Variants in CDKN2A observed in about 807,000 individuals in gnomAD.
The protein encoded by CDKN2A is cyclin dependent kinase inhibitor 2A, also known as cyclin-dependent kinase inhibitor 2A.
A neutral mutation model predicts 11.1 loss-of-function variants in CDKN2A; 3 were observed. The observed-to-expected ratio is 0.27, with a 90% CI of 0.12 to 0.70. The LOEUF (loss-of-function observed/expected upper bound fraction) is 0.70, where lower values mean the gene tolerates loss of function less well. CDKN2A is among the 30% of genes least tolerant of loss of function. CDKN2A has a pLI of 0.77. For missense variants in CDKN2A, 265 were observed against 233.6 expected (o/e 1.13, Z -0.88); for synonymous variants, 122 against 108.1 (o/e 1.13, Z -0.80).
chr9:21,987,473 C>T (rs3731206), intron 2 of CDKN2A, among the ~76,000 whole-genome samples: 9,028 of 143,044 alleles, frequency 0.063, 714 homozygotes, highest in African/African-American at 0.19. Context: ...TCATCCTGCA[C>T]GAACAGAAAG....
chr9:21,994,557 T>G, intron 1 of CDKN2A: 3 of 1,069,294 alleles, frequency 2.8e-6, no homozygotes, highest in Non-Finnish European at 2.5e-6. Context: ...CTCCAAGATC[T>G]CGGAACGGCT....
rs1001081670 is a variant in CDKN2A, at chr9:21,988,290, G to C, written c.-4+5592C>G. ...ATTAAAAAATCCTTTGTGATAACAT[G>C]TTTATATTTTCATGAACAAAGCCAA... On this transcript the variant is annotated intron_variant, in intron 2 of 3. Transcript: ENST00000494262. The surrounding 1 kb of genome is among the most constrained non-coding windows in gnomAD (Gnocchi z 4.1). Among the ~76,000 whole-genome samples the C allele has an allele frequency of 1.3e-5, 2 of 152,172 alleles. No homozygotes were observed. The highest frequency in any genetic ancestry group is 1.3e-4 in the Admixed American group (2 of 15,274).
At chr9:21,983,615 C>T (rs542808579) in intron 2 of CDKN2A, among the ~76,000 whole-genome samples, 1 of 152,056 alleles carries the variant, frequency 6.6e-6, no homozygotes, top group South Asian at 2.1e-4. Flanking sequence ...TTTAAAAAGC[C>T]ACCATTTTGA....
Position 21,968,632 on chromosome 9 carries a change from C to A in CDKN2A, c.458-390G>T. The A allele has an allele frequency of 6.6e-7, 1 of 1,524,078 alleles. No homozygotes were observed. The allele number at this position is 1,524,078 out of a possible 1,614,324, so 94.4% of individuals were successfully genotyped here. On this transcript the variant is annotated intron_variant, in intron 2 of 2. Transcript: ENST00000304494. The surrounding 1 kb of genome is among the most constrained non-coding windows in gnomAD (Gnocchi z 4.7). ...TTTCCCTTCCCGCATCCCCAGGCAT[C>A]TTTTGCACCTGGTGCGGAGTGAGCC...
At chr9:21,972,047 T>A (rs760041694) in intron 1 of CDKN2A, among the ~76,000 whole-genome samples, 64 of 150,882 alleles carry the variant, frequency 4.2e-4, no homozygotes, top group Non-Finnish European at 7.4e-4. Context: ...ACCATTCTAC[T>A]CTTTACTGCT....
Position 21,974,292 on chromosome 9 carries a change from A to T in CDKN2A, c.150+386T>A, listed in dbSNP as rs879853911. The T allele has an allele frequency of 2.2e-4, 163 of 757,040 alleles. No homozygotes were observed. Among genetic ancestry groups the T allele is most frequent in the Middle Eastern group, 4.4e-4 (1 of 2,268 alleles). 46.9% of individuals were successfully genotyped at this position (757,040 alleles called of 1,614,324 possible). A position where few individuals can be genotyped will look rare whatever the true frequency, so the allele number is the denominator to read the frequency against. On this transcript the variant is annotated intron_variant, in intron 1 of 2. Transcript: ENST00000304494. This position sits in a 1 kb window ranked among gnomAD's most constrained non-coding sequence, Gnocchi z 5.2. ...CCTCCTAGTAAGAAAGATAAGCTCC[A>T]TCCAGGTATCTGTGAATTGGAGGCT...
At position 21,985,166 on chromosome 9, in the gene CDKN2A, T is replaced by C. The variant is rs1346540770; in HGVS notation, c.-4+8716A>G. Among the ~76,000 whole-genome samples the C allele has an allele frequency of 2.0e-5, 3 of 152,110 alleles. No individual in the cohort carries two copies. In the East Asian group the frequency reaches 5.8e-4, roughly 29 times the overall value. The stretch of plus-strand genomic sequence containing the variant: ...GGGTAGAGTTTTATCTTTTGTGTTG[T>C]TACGGTTAAGATGATAACTTCCATA... On this transcript the variant is annotated intron_variant, in intron 2 of 3. Transcript: ENST00000494262.
At chr9:21,976,808 A>G (rs1313897169), upstream of CDKN2A, among the ~76,000 whole-genome samples, 4 of 152,346 alleles carry the variant, frequency 2.6e-5, no homozygotes, top group Non-Finnish European at 5.9e-5. Context: ...CCTCACTTAC[A>G]AAGAAAAGTT....
rs762677794 is a variant in CDKN2A at position 21,981,158 on chromosome 9, GTGTATATATATA to G, written c.-3-9962_-3-9951del. Among the ~76,000 whole-genome samples, 10 of 5,374 alleles carry G rather than the reference GTGTATATATATA, an allele frequency of 1.9e-3. 4 individuals are homozygous for G. Among genetic ancestry groups the G allele is most frequent in the African/African-American group, 4.8e-3 (10 of 2,094 alleles). 3.5% of individuals were successfully genotyped at this position (5,374 alleles called of 152,430 possible). A position where few individuals can be genotyped will look rare whatever the true frequency, so the allele number is the denominator to read the frequency against. On this transcript the variant is annotated intron_variant, in intron 2 of 3. Coordinates refer to the CDKN2A transcript ENST00000494262. ...TATATACGTGTATATATATATATAC[GTGTATATATATA>G]TATACGTGTATATATATATATACGT... is the stretch of plus-strand genomic sequence containing the variant.
In CDKN2A at chr9:21,968,034, T is replaced by C; in HGVS notation, c.*195A>G. The C allele has an allele frequency of 1.7e-6, 1 of 600,826 alleles. No homozygotes were observed. Among genetic ancestry groups the C allele is most frequent in the Middle Eastern group, 4.3e-4 (1 of 2,322 alleles). 37.2% of individuals were successfully genotyped at this position (600,826 alleles called of 1,614,324 possible). ...TTTTATAAGAATATATAAAAAATGA[T>C]ATAAATGGACATTTACGGTAGTGGG... On this transcript the variant is annotated 3_prime_UTR_variant, in exon 3 of 3. Transcript: ENST00000304494. This position sits in a 1 kb window ranked among gnomAD's most constrained non-coding sequence, Gnocchi z 4.7.
intron 2 of CDKN2A, among the ~76,000 whole-genome samples, chr9:21,986,599 C>G (rs1820302796): frequency 6.6e-6 from 1 of 151,882 alleles, no homozygotes; most frequent in African/African-American, 2.4e-5. Flanking sequence ...GTCTCCAGAT[C>G]TACAAAATGA....
In CDKN2A at chr9:21,991,836, G is replaced by A; in HGVS notation, c.-4+2046C>T. 1 of 985,034 alleles carries A rather than the reference G, an allele frequency of 1.0e-6. No individual in the cohort carries two copies. Among genetic ancestry groups the A allele is most frequent in the Non-Finnish European group, 1.2e-6 (1 of 829,586 alleles). 61.0% of individuals were successfully genotyped at this position (985,034 alleles called of 1,614,324 possible). On this transcript the variant is annotated intron_variant, in intron 2 of 3. Coordinates refer to the CDKN2A transcript ENST00000494262. This position sits in a 1 kb window ranked among gnomAD's most constrained non-coding sequence, Gnocchi z 5.2. ...TCACTTGGAACACAATACAAACTGT[G>A]AATCATGTACACATGGGGAATAATG...
chr9:21,993,813 GTGTGT>G (rs772475477), intron 2 of CDKN2A: 4 of 435,336 alleles, frequency 9.2e-6, no homozygotes, highest in Non-Finnish European at 1.7e-5. Context: ...GTGTGTGTGT[GTGTGT>G]GTGTGTGTGT....
At chr9:21,984,008 A>C (rs1820249544) in intron 2 of CDKN2A, among the ~76,000 whole-genome samples, 1 of 152,058 alleles carries the variant, frequency 6.6e-6, no homozygotes, top group African/African-American at 2.4e-5. Flanking sequence ...AGAATGTCAG[A>C]TATATAAAAA....
chr9:21,971,375 C>CCAT, intron 1 of CDKN2A, 167 bp from the exon 2 acceptor site: 1 of 1,482,526 alleles, frequency 6.7e-7, no homozygotes, highest in African/African-American at 1.4e-5. Context: ...AGTTCTCTAT[C>CCAT]CATTCTTCAG....
chr9:21,994,598 G>T, intron 1 of CDKN2A: 2 of 744,402 alleles, frequency 2.7e-6, no homozygotes, highest in Non-Finnish European at 3.8e-6. Flanking sequence ...AAGGGCTGCC[G>T]GAGGCGCCCG....
In CDKN2A at chr9:21,988,877, C is replaced by G. The variant is rs1050499582; in HGVS notation, c.-4+5005G>C. ...GTCCAAGATTCAGTGGGTTCAGAGA[C>G]TCTAAGTATTTGCCATTCCCTTTAG... On this transcript the variant is annotated intron_variant, in intron 2 of 3. Transcript: ENST00000494262. The surrounding 1 kb of genome is among the most constrained non-coding windows in gnomAD (Gnocchi z 4.1). 3.9e-5 allele frequency among the ~76,000 whole-genome samples: 6 copies of G among 152,174 alleles called. No homozygotes were observed. The highest frequency in any genetic ancestry group is 3.3e-4 in the Admixed American group (5 of 15,282).
rs780422463 is a variant in CDKN2A, at chr9:21,988,535, C to A, written c.-4+5347G>T. ...AAGCACTGAGAATTTCTTCAACCAC[C>A]CTTTTTAAAAAACAAATGCTAATTG... is the stretch of plus-strand genomic sequence containing the variant. On this transcript the variant is annotated intron_variant, in intron 2 of 3. Coordinates refer to the CDKN2A transcript ENST00000494262. This position sits in a 1 kb window ranked among gnomAD's most constrained non-coding sequence, Gnocchi z 4.1. 6.6e-6 allele frequency among the ~76,000 whole-genome samples: 1 copy of A among 151,952 alleles called. No individual in the cohort carries two copies. The highest frequency in any genetic ancestry group is 1.5e-5 in the Non-Finnish European group (1 of 67,984).
chr9:21,974,667 C>T lies in CDKN2A; in HGVS notation c.150+11G>A, dbSNP rs1587339427. The T allele has an allele frequency of 6.2e-7, 1 of 1,614,184 alleles. No homozygotes were observed. The highest frequency in any genetic ancestry group is 8.5e-7 in the Non-Finnish European group (1 of 1,180,040). On this transcript the variant is annotated intron_variant, in intron 1 of 2. Coordinates refer to ENST00000304494, the MANE Select transcript of CDKN2A (RefSeq NM_000077.5). The surrounding 1 kb of genome is among the most constrained non-coding windows in gnomAD (Gnocchi z 5.2). ...GCCATCCCCTGCTCCCGCTGCAGAC[C>T]CTCTACCCACCTGGATCGGCCTCCG...
Sources: allele counts gnomAD v4.1 joint callset (sites outside exome capture counted in the v4.1 genomes callset), GRCh38; gene constraint gnomAD v4.1.1; non-coding constraint Gnocchi (gnomAD v3.1); transcripts MANE v1.5; gene names NCBI Gene and HGNC (gene_info 2026-07-23, HGNC 2026-07-21).